HECW1: variants seen among roughly 807,000 people sequenced by gnomAD.
HECW1 encodes the protein E3 ubiquitin-protein ligase HECW1.
In HECW1, 61 loss-of-function variants were observed where a neutral mutation model predicts 182.3. The ratio of observed to expected loss-of-function variants is 0.33; its 90% CI spans 0.27 to 0.41. HECW1 has a LOEUF of 0.41. HECW1 is among the 10% of genes least tolerant of loss of function. The probability of loss-of-function intolerance (pLI) is 1.00; values close to 1 mark genes in which losing one functional copy is unlikely to be tolerated. For synonymous variants in HECW1, 859 were observed against 832.6 expected (o/e 1.03, Z -0.55); for missense variants, 1,739 against 2,108.9 (o/e 0.82, Z 3.44).
chr7:43,435,706 G>T (rs1338090063), intron 8 of HECW1, among the ~76,000 whole-genome samples: 1 of 152,178 alleles, frequency 6.6e-6, no homozygotes, highest in Admixed American at 6.5e-5. Context: ...TGCTCCATCA[G>T]CCCACAGTGA....
At position 43,442,612 on chromosome 7, in the gene HECW1, C is replaced by T; in HGVS notation, c.1028C>T (p.Thr343Ile). 1 of 1,612,418 alleles carries T rather than the reference C, an allele frequency of 6.2e-7. No homozygotes were observed. Among genetic ancestry groups the T allele is most frequent in the Non-Finnish European group, 8.5e-7 (1 of 1,178,480 alleles). Reference sequence around the variant, plus strand: ...CAGCTGCAATTCCGATTTGAGATCACTTCCTCCATCCACCCAGGTATTTTC... The same window carrying T: ...CAGCTGCAATTCCGATTTGAGATCATTTCCTCCATCCACCCAGGTATTTTC... ...SGQLQFRFEITSSIHPDDEEI... is the reference protein window; with the variant it reads ...SGQLQFRFEIISSIHPDDEEI... The change falls in exon 10 of 30, where the codon ACT (threonine) becomes ATT (isoleucine). Residue 343 changes from threonine to isoleucine, a missense_variant. Around this residue, in one of 5 missense-constraint regions of HECW1, gnomAD observed 66 missense variants for 113.8 expected, o/e 0.58. Coordinates refer to ENST00000395891, the MANE Select transcript of HECW1 (RefSeq NM_015052.5).
intron 3 of HECW1, among the ~76,000 whole-genome samples, chr7:43,255,321 G>A (rs56016010): frequency 0.12 from 17,585 of 152,090 alleles, 2,063 homozygotes; most frequent in African/African-American, 0.3. Context: ...TATTCAGGCC[G>A]GGCCTGGTGG....
At chr7:43,207,956 T>C (rs949795273) in intron 2 of HECW1, 15 of 152,238 alleles carry the variant, frequency 9.9e-5, no homozygotes, top group Admixed American at 1.3e-4. Context: ...TGTACCTTTG[T>C]GTAGATTTAT....
At chr7:43,509,210 T>C in intron 24 of HECW1, 89 bp downstream of exon 24, 2 of 1,291,306 alleles carry the variant, frequency 1.5e-6, no homozygotes, top group Non-Finnish European at 1.1e-6. Context: ...GGCCACTGTG[T>C]TTAGAGCAGT....
At chr7:43,325,218 A>C (rs1270806203) in intron 5 of HECW1, among the ~76,000 whole-genome samples, 1 of 152,228 alleles carries the variant, frequency 6.6e-6, no homozygotes, top group Non-Finnish European at 1.5e-5. Context: ...AAAGATACAA[A>C]CTTGAACACT....
chr7:43,297,697 C>T (rs1413022479), intron 3 of HECW1, among the ~76,000 whole-genome samples: 1 of 152,178 alleles, frequency 6.6e-6, no homozygotes, highest in African/African-American at 2.4e-5. Flanking sequence ...AAGGATTCTT[C>T]TCCAGTGTGT....
At chr7:43,435,940 G>A (rs1011993932) in intron 8 of HECW1, among the ~76,000 whole-genome samples, 6 of 152,138 alleles carry the variant, frequency 3.9e-5, no homozygotes, top group Non-Finnish European at 5.9e-5. Flanking sequence ...CGAGGCAGGC[G>A]GATCACGAGG....
intron 2 of HECW1, among the ~76,000 whole-genome samples, chr7:43,208,336 A>G (rs1208700029): frequency 1.3e-5 from 2 of 152,224 alleles, no homozygotes; most frequent in Admixed American, 6.5e-5. Context: ...CTTTTCCCAC[A>G]GGGTCCTGTT....
At chr7:43,258,404 G>C (rs186958554) in intron 3 of HECW1, 1 of 151,860 alleles carries the variant, frequency 6.6e-6, no homozygotes, top group East Asian at 1.9e-4. Context: ...TTAAAAAGTA[G>C]TGGAGCTAGC....
At chr7:43,504,573 C>A (rs923199640) in intron 21 of HECW1, among the ~76,000 whole-genome samples, 1 of 152,214 alleles carries the variant, frequency 6.6e-6, no homozygotes, top group Non-Finnish European at 1.5e-5. Flanking sequence ...GTCTGCTTCC[C>A]CCACTTCTGC....
intron 3 of HECW1, among the ~76,000 whole-genome samples, chr7:43,278,330 C>T (rs2152745854): frequency 6.6e-6 from 1 of 152,282 alleles, no homozygotes; most frequent in South Asian, 2.1e-4. Context: ...CTCTGCACCC[C>T]ACATCCAAAC....
rs540865097 is a variant in HECW1, at chr7:43,305,744, G to C, written c.28-6019G>C. 2.7e-5 allele frequency among the ~76,000 whole-genome samples: 4 copies of C among 150,886 alleles called. No individual in the cohort carries two copies. The South Asian group carries it at 8.4e-4, about 32-fold the overall frequency. On this transcript the variant is annotated intron_variant, in intron 3 of 29. Transcript: ENST00000395891. Reference sequence around the variant, plus strand: ...AGCTTCAGCAGCTGCGATTACAGGCGCCCGTCACCACGCCCAGCTAATTTT... The same window carrying C: ...AGCTTCAGCAGCTGCGATTACAGGCCCCCGTCACCACGCCCAGCTAATTTT...
chr7:43,427,357 T>C (rs543785791), intron 8 of HECW1, among the ~76,000 whole-genome samples: 5 of 152,304 alleles, frequency 3.3e-5, no homozygotes, highest in African/African-American at 1.2e-4. Context: ...TTGAGACATC[T>C]AACAGTAAAA....
At chr7:43,397,087 G>T (rs1446140530) in intron 7 of HECW1, among the ~76,000 whole-genome samples, 198 bp downstream of exon 7, 1 of 152,222 alleles carries the variant, frequency 6.6e-6, no homozygotes, top group Non-Finnish European at 1.5e-5. Flanking sequence ...AGTTTAGGAA[G>T]TAATAGATGT....
intron 5 of HECW1, among the ~76,000 whole-genome samples, chr7:43,338,159 T>C (rs1812530699): frequency 6.6e-6 from 1 of 152,140 alleles, no homozygotes; most frequent in Admixed American, 6.6e-5. Flanking sequence ...CTAGACTCAG[T>C]GATGATATTA....
intron 8 of HECW1, among the ~76,000 whole-genome samples, chr7:43,417,000 C>T (rs914203540): frequency 7.2e-5 from 11 of 152,338 alleles, no homozygotes; most frequent in African/African-American, 1.4e-4. Context: ...GCGTCGCTCA[C>T]GCTGGGAGCT....
intron 3 of HECW1, among the ~76,000 whole-genome samples, chr7:43,290,314 T>G (rs1368837214): frequency 6.6e-6 from 1 of 152,272 alleles, no homozygotes; most frequent in Non-Finnish European, 1.5e-5. Flanking sequence ...GTTTGGAAAG[T>G]AAGCCACATG....
At position 43,169,690 on chromosome 7, in the gene HECW1, CTTTTTTTTTT is replaced by C. The variant is rs374141328; in HGVS notation, c.-32+55308_-32+55317del. On this transcript the variant is annotated intron_variant, in intron 2 of 29. Coordinates refer to ENST00000395891, the MANE Select transcript of HECW1 (RefSeq NM_015052.5). ...TTATCTTTGTATCTTTTTTTCTTTT[CTTTTTTTTTT>C]TTTTTTTTGAGACGGAGTCTCGCTG... Among the ~76,000 whole-genome samples the C allele has an allele frequency of 3.6e-4, 41 of 113,456 alleles. 2 individuals carry two copies. In the South Asian group the frequency reaches 0.012, roughly 32 times the overall value. 74.4% of individuals were successfully genotyped at this position (113,456 alleles called of 152,430 possible). A position where few individuals can be genotyped will look rare whatever the true frequency, so the allele number is the denominator to read the frequency against.
chr7:43,456,534 C>CA, intron 13 of HECW1, 87 bp downstream of exon 13: 4 of 1,332,758 alleles, frequency 3.0e-6, no homozygotes, highest in African/African-American at 1.5e-5. Context: ...CTTTTCTGCT[C>CA]AGACTGTATG....
Sources: gnomAD v4.1 joint callset for allele counts (sites outside exome capture counted in the v4.1 genomes callset) on GRCh38, gnomAD v4.1.1 for gene constraint, gnomAD v4.1.1 regional missense constraint, MANE v1.5 for transcripts, NCBI Gene and HGNC (gene_info 2026-07-23, HGNC 2026-07-21) for gene names.